Variants in TRIM9 observed in about 807,000 individuals in gnomAD.
TRIM9 encodes E3 ubiquitin-protein ligase TRIM9.
In TRIM9, 26 loss-of-function variants were observed where a neutral mutation model predicts 78.3. The observed-to-expected ratio is 0.33, with a 90% CI of 0.24 to 0.46. The LOEUF is 0.46. Among genes scored for constraint, TRIM9 ranks in the 20% least tolerant of loss-of-function variants. The pLI is 1.00. For missense variants in TRIM9, 787 were observed against 1,036.4 expected (o/e 0.76, Z 3.30); for synonymous variants, 398 against 416.5 (o/e 0.96, Z 0.54).
At position 51,066,084 on chromosome 14, in the gene TRIM9, GGAA is replaced by G. The variant is rs1165516758; in HGVS notation, c.822+28031_822+28033del. Among the ~76,000 whole-genome samples the G allele has an allele frequency of 2.1e-3, 276 of 132,962 alleles. 1 individual carries two copies. Among genetic ancestry groups the G allele is most frequent in the Middle Eastern group, 7.8e-3 (2 of 258 alleles). 87.2% of individuals were successfully genotyped at this position (132,962 alleles called of 152,430 possible). On this transcript the variant is annotated intron_variant, in intron 1 of 12. Coordinates refer to ENST00000684578, the MANE Select transcript of TRIM9 (RefSeq NM_001387360.1). ...AGGAAGGAAGGAAGGAAGGAAGGAA[GGAA>G]GGAGGGAGGGAGGGACGGAGGGAGG...
intron 7 of TRIM9, chr14:50,996,259 T>C: frequency 1.0e-6 from 1 of 985,438 alleles, no homozygotes; most frequent in Non-Finnish European, 1.2e-6. Context: ...GGAAGAGAAC[T>C]TGTTCCGTTT....
chr14:50,977,572 T>C (rs996560713), intron 12 of TRIM9, among the ~76,000 whole-genome samples: 3 of 152,204 alleles, frequency 2.0e-5, no homozygotes, highest in Admixed American at 2.0e-4. Context: ...TTTGATTATA[T>C]GGTTCTTAGT....
chr14:51,050,567 T>A (rs1428401311), intron 1 of TRIM9, among the ~76,000 whole-genome samples: 2 of 152,206 alleles, frequency 1.3e-5, no homozygotes, highest in African/African-American at 4.8e-5. Context: ...TCTTTAACAA[T>A]GTGACCCTCC....
At chr14:51,043,990 G>A (rs2059757709) in intron 1 of TRIM9, among the ~76,000 whole-genome samples, 1 of 152,140 alleles carries the variant, frequency 6.6e-6, no homozygotes, top group Non-Finnish European at 1.5e-5. Flanking sequence ...GATCCAAAGA[G>A]AATCTGATAG....
At chr14:50,979,230 T>C (rs1566536881) in intron 12 of TRIM9, 157 bp downstream of exon 12, 1 of 1,485,310 alleles carries the variant, frequency 6.7e-7, no homozygotes, top group Non-Finnish European at 9.0e-7. Context: ...TAAAATAAGT[T>C]GCCAGTGCTG....
Position 51,094,287 on chromosome 14 carries a change from C to T in TRIM9, c.653G>A (p.Ser218Asn), listed in dbSNP as rs754855505. The change falls in exon 1 of 13, where the codon AGC becomes AAC. Residue 218 changes from serine to asparagine, a missense_variant. Transcript: ENST00000684578. ...GACCTTGCGTGGGCTCAGCCTCCGGCTCACACGACCCTGGGCCGGGGGCAC... is the reference window on the plus strand; with the variant it reads ...GACCTTGCGTGGGCTCAGCCTCCGGTTCACACGACCCTGGGCCGGGGGCAC... ...RLVPPAQGRV[S>N]RRLSPRKVST... The T allele has an allele frequency of 1.7e-5, 28 of 1,613,918 alleles. No homozygotes were observed. Among genetic ancestry groups the T allele is most frequent in the African/African-American group, 2.7e-5 (2 of 74,954 alleles).
rs1444297391 is a variant in TRIM9 at position 50,986,089 on chromosome 14, C to T, written c.1659G>A (p.Pro553=). The T allele has an allele frequency of 1.9e-5, 30 of 1,546,236 alleles. No homozygotes were observed. The highest frequency in any genetic ancestry group is 2.6e-5 in the Non-Finnish European group (30 of 1,144,776). ...LPFPVPSERL[P]LRRMSPFSST... is the part of the protein sequence containing the mutation. The stretch of plus-strand genomic sequence containing the variant: ...AGGAGAAAGGACTCATTCTACGGAG[C>T]GGCAATCTTTCCGAAGGCACTGGAA... Residue 553 remains proline (P), a synonymous_variant, in exon 8 of 13, where the codon CCG becomes CCA. Coordinates refer to ENST00000684578, the MANE Select transcript of TRIM9 (RefSeq NM_001387360.1).
chr14:50,983,846 T>C (rs977546534), intron 8 of TRIM9, among the ~76,000 whole-genome samples: 25 of 152,258 alleles, frequency 1.6e-4, no homozygotes, highest in African/African-American at 5.3e-4. Flanking sequence ...AGGTCTTCAT[T>C]GTGACTTGAG....
chr14:50,979,304 C>T (rs1238030521), intron 12 of TRIM9, 83 bp downstream of exon 12: 3 of 1,609,956 alleles, frequency 1.9e-6, no homozygotes, highest in Non-Finnish European at 2.5e-6. Context: ...GCTTCCCTCT[C>T]TTCGGTTGGA....
intron 1 of TRIM9, among the ~76,000 whole-genome samples, chr14:51,042,643 A>C (rs547154946): frequency 2.4e-4 from 36 of 152,318 alleles, no homozygotes; most frequent in South Asian, 1.9e-3. Context: ...TCTTTTTAGG[A>C]TGAAGTCTCT....
At chr14:50,978,414 C>T (rs1016092057) in intron 12 of TRIM9, among the ~76,000 whole-genome samples, 2 of 152,182 alleles carry the variant, frequency 1.3e-5, no homozygotes, top group African/African-American at 4.8e-5. Context: ...CTCTGGTCCC[C>T]CTTCCAGGCC....
intron 7 of TRIM9, 52 bp from the exon 8 acceptor site, chr14:50,986,196 C>CCGTGCA: frequency 7.3e-7 from 1 of 1,378,032 alleles, no homozygotes; most frequent in Non-Finnish European, 9.5e-7. Context: ...TATTATGTCC[C>CCGTGCA]CGTGCACGGT....
chr14:50,979,595 C>G, intron 11 of TRIM9, 46 bp from the exon 12 acceptor site: 1 of 1,510,264 alleles, frequency 6.6e-7, no homozygotes, highest in Non-Finnish European at 9.1e-7. Context: ...TGTGGTCACT[C>G]TAGAAGCTCC....
chr14:50,982,331 G>A, intron 10 of TRIM9: 1 of 574,670 alleles, frequency 1.7e-6, no homozygotes, highest in Middle Eastern at 4.6e-4. Flanking sequence ...ACCTGGCTCA[G>A]ACTGCACTCC....
chr14:51,038,588 C>A (rs2059348971), intron 1 of TRIM9, among the ~76,000 whole-genome samples: 1 of 152,182 alleles, frequency 6.6e-6, no homozygotes. Context: ...TATAAAGAAT[C>A]TGGCCCACTA....
At chr14:51,045,206 A>T (rs2059861296) in intron 1 of TRIM9, among the ~76,000 whole-genome samples, 2 of 152,222 alleles carry the variant, frequency 1.3e-5, no homozygotes, top group South Asian at 2.1e-4. Context: ...CCCTGTGAGC[A>T]TCATGTCTGG....
chr14:50,983,338 C>T (rs956555662), intron 9 of TRIM9, 42 bp downstream of exon 9: 2 of 1,469,152 alleles, frequency 1.4e-6, no homozygotes, highest in Non-Finnish European at 1.8e-6. Context: ...ATTGAGCACA[C>T]CAATCACGTA....
intron 1 of TRIM9, among the ~76,000 whole-genome samples, chr14:51,093,754 GC>G (rs2140398737): frequency 6.6e-6 from 1 of 152,346 alleles, no homozygotes; most frequent in Non-Finnish European, 1.5e-5. Context: ...GTGCCTAGCG[GC>G]CCTGGGCACT....
intron 12 of TRIM9, 174 bp downstream of exon 12, chr14:50,979,213 C>A: frequency 6.8e-7 from 1 of 1,461,118 alleles, no homozygotes; most frequent in Non-Finnish European, 9.1e-7. Context: ...TTATGCTTGG[C>A]GTGGAATAAA....
Sources: gnomAD v4.1 joint callset for allele counts (sites outside exome capture counted in the v4.1 genomes callset) on GRCh38, gnomAD v4.1.1 for gene constraint, MANE v1.5 for transcripts, NCBI Gene and HGNC (gene_info 2026-07-23, HGNC 2026-07-21) for gene names.